Variants in SYNE1 observed in about 807,000 individuals in gnomAD.
SYNE1 encodes spectrin repeat containing nuclear envelope protein 1.
Under a neutral mutation model 1,111.0 loss-of-function variants are expected in SYNE1, and 616 were observed. That is an observed-to-expected ratio of 0.55 (90% CI 0.52 to 0.59). SYNE1 has a LOEUF of 0.59. Among genes scored for constraint, SYNE1 ranks in the 20% least tolerant of loss-of-function variants. The pLI, the probability that SYNE1 is intolerant of heterozygous loss-of-function variation, is 0.00. For synonymous variants in SYNE1, 3,855 were observed against 3,825.8 expected (o/e 1.01, Z -0.28); for missense variants, 10,006 against 10,417.0 (o/e 0.96, Z 1.72).
intron 9 of SYNE1, 106 bp from the exon 10 acceptor site, chr6:152,502,848 G>T: frequency 1.2e-6 from 1 of 869,274 alleles, no homozygotes; most frequent in Non-Finnish European, 1.8e-6. Context: ...AAACGCAGAA[G>T]GAAAACAGAA....
rs377291184 is a variant in SYNE1 at position 152,348,065 on chromosome 6, A to G, written c.11902-830T>C. Among the ~76,000 whole-genome samples the G allele has an allele frequency of 5.9e-5, 9 of 152,250 alleles. No homozygotes were observed. The East Asian group carries it at 1.5e-3, about 26-fold the overall frequency. ...TAATCTAATTCTAGTTTCTGTAATA[A>G]TGTAATATCTAATTTTTAATTCTTG... On this transcript the variant is annotated intron_variant, in intron 72 of 145. Coordinates refer to ENST00000367255, the MANE Select transcript of SYNE1 (RefSeq NM_182961.4).
chr6:152,198,465 T>G (rs1056317646), intron 127 of SYNE1, among the ~76,000 whole-genome samples: 2 of 152,236 alleles, frequency 1.3e-5, no homozygotes, highest in African/African-American at 4.8e-5. Flanking sequence ...TTAATTTCCT[T>G]TCAGAACTTT....
In SYNE1 at chr6:152,364,967, G is replaced by A. The variant is rs767372811; in HGVS notation, c.10025C>T (p.Thr3342Ile). 6.2e-7 allele frequency: 1 copy of A among 1,614,184 alleles called. No homozygotes were observed. The highest frequency in any genetic ancestry group is 8.5e-7 in the Non-Finnish European group (1 of 1,180,030). Reference sequence around the variant, plus strand: ...ATTCTGAAGGACAGATTCTCCCCTGGTCACTATCATTTTCATCTGAATCTC... The same window carrying A: ...ATTCTGAAGGACAGATTCTCCCCTGATCACTATCATTTTCATCTGAATCTC... Reference protein sequence around the residue: ...EKEIQMKMIVTRGESVLQNTS... With the variant: ...EKEIQMKMIVIRGESVLQNTS... Residue 3342 changes from threonine to isoleucine, a missense_variant, in exon 63 of 146, where the codon ACC (threonine) becomes ATC (isoleucine). Thr to Ile is a moderately conservative substitution (Grantham distance 89). Coordinates refer to ENST00000367255, the MANE Select transcript of SYNE1 (RefSeq NM_182961.4).
At chr6:152,312,787 C>T (rs2095593500) in intron 87 of SYNE1, among the ~76,000 whole-genome samples, 1 of 151,962 alleles carries the variant, frequency 6.6e-6, no homozygotes, top group Non-Finnish European at 1.5e-5. Context: ...CATTTGGGCA[C>T]ATTTTTAGGT....
intron 3 of SYNE1, among the ~76,000 whole-genome samples, chr6:152,626,728 G>T (rs1461227478): frequency 1.3e-5 from 2 of 152,200 alleles, no homozygotes; most frequent in Non-Finnish European, 2.9e-5. Flanking sequence ...AGTCCAGGCA[G>T]ATAAACACGA....
intron 63 of SYNE1, among the ~76,000 whole-genome samples, chr6:152,363,165 G>A (rs910107646): frequency 6.8e-6 from 1 of 147,800 alleles, no homozygotes; most frequent in African/African-American, 2.5e-5. Context: ...ACAGGCGTGA[G>A]CCACCACACC....
chr6:152,310,341 C>T (rs200136366), intron 89 of SYNE1, 55 bp downstream of exon 89: 6 of 1,610,258 alleles, frequency 3.7e-6, no homozygotes, highest in Non-Finnish European at 5.1e-6. Flanking sequence ...CCTTACTATC[C>T]TCTTTTAAAA....
intron 76 of SYNE1, chr6:152,335,967 A>C (rs1369677835): frequency 6.6e-6 from 1 of 151,956 alleles, no homozygotes; most frequent in African/African-American, 2.4e-5. Flanking sequence ...GATTACAGGC[A>C]TGAGCCACCA....
intron 104 of SYNE1, among the ~76,000 whole-genome samples, chr6:152,250,790 G>C (rs542191241): frequency 6.6e-6 from 1 of 152,306 alleles, no homozygotes; most frequent in East Asian, 1.9e-4. Flanking sequence ...CCTAGTAAAA[G>C]ATGTCCTGCA....
intron 144 of SYNE1, 137 bp downstream of exon 144, chr6:152,131,985 G>T (rs776984267): frequency 1.4e-6 from 1 of 703,966 alleles, no homozygotes; most frequent in Non-Finnish European, 2.5e-6. Context: ...TGGCAGGGCT[G>T]AGGAAGCGCG....
rs375516931 is a variant in SYNE1 at position 152,148,229 on chromosome 6, G to A, written c.24792C>T (p.Pro8264=). Reference sequence around the variant, plus strand: ...CTCGTCCTGACCGCTCGCTCCGGAGGGGCTGAGCGAGCGAGAGGGAGAGAT... The same window carrying A: ...CTCGTCCTGACCGCTCGCTCCGGAGAGGCTGAGCGAGCGAGAGGGAGAGAT... The part of the protein sequence containing the change: ...SSNLSLSLAQ[P]LRSERSGRDT... Residue 8264 remains proline, a synonymous_variant, in exon 137 of 146, where the codon CCC becomes CCT. Coordinates refer to ENST00000367255, the MANE Select transcript of SYNE1 (RefSeq NM_182961.4). This position sits in a 1 kb window ranked among gnomAD's most constrained non-coding sequence, Gnocchi z 4.1. 6.2e-7 allele frequency: 1 copy of A among 1,613,944 alleles called. No individual in the cohort carries two copies. The highest frequency in any genetic ancestry group is 1.3e-5 in the African/African-American group (1 of 74,932).
chr6:152,256,361 C>T (rs576920168), intron 102 of SYNE1, among the ~76,000 whole-genome samples: 137 of 151,536 alleles, frequency 9.0e-4, no homozygotes, highest in Non-Finnish European at 1.6e-3. Flanking sequence ...ACCCAGGAGG[C>T]GGAGGTTGCA....
intron 55 of SYNE1, among the ~76,000 whole-genome samples, chr6:152,384,615 C>A (rs2097491897): frequency 6.6e-6 from 1 of 152,190 alleles, no homozygotes; most frequent in South Asian, 2.1e-4. Flanking sequence ...ATGGCTCATG[C>A]CTGTAATTCC....
chr6:152,432,664 T>A (rs2154209066), intron 34 of SYNE1, among the ~76,000 whole-genome samples: 1 of 152,132 alleles, frequency 6.6e-6, no homozygotes, highest in South Asian at 2.1e-4. Context: ...ATAGAAAAAA[T>A]AAATACGTTG....
intron 45 of SYNE1, among the ~76,000 whole-genome samples, chr6:152,406,139 T>C (rs2097896338): frequency 6.6e-6 from 1 of 152,046 alleles, no homozygotes; most frequent in Non-Finnish European, 1.5e-5. Context: ...TTGCAAGAAA[T>C]AGGAATAAAA....
At chr6:152,577,943 A>G (rs1293203787) in intron 3 of SYNE1, among the ~76,000 whole-genome samples, 1 of 152,098 alleles carries the variant, frequency 6.6e-6, no homozygotes, top group Admixed American at 6.5e-5. Flanking sequence ...CAAACTCCAC[A>G]TCTTCTCTAC....
Position 152,430,590 on chromosome 6 carries a change from T to C in SYNE1, c.4581A>G (p.Thr1527=). The change falls in exon 35 of 146, where the codon ACA becomes ACG. Residue 1527 remains threonine, a synonymous_variant. Transcript: ENST00000367255. ...GESARIKAKL[T]QIRRYGEELR... ...GCTCTTCCCCGTATCTTCTTATTTGTGTCAACTTGGCTTTAATTCGAGCAG... is the reference window on the plus strand; with the variant it reads ...GCTCTTCCCCGTATCTTCTTATTTGCGTCAACTTGGCTTTAATTCGAGCAG... 6.2e-7 allele frequency: 1 copy of C among 1,614,180 alleles called. No individual in the cohort carries two copies. Among genetic ancestry groups the C allele is most frequent in the South Asian group, 1.1e-5 (1 of 91,080 alleles).
intron 3 of SYNE1, among the ~76,000 whole-genome samples, chr6:152,569,891 T>A (rs1304357419): frequency 6.6e-6 from 1 of 152,212 alleles, no homozygotes; most frequent in Non-Finnish European, 1.5e-5. Flanking sequence ...CTTGAGGCCA[T>A]ACTTTCATAA....
At position 152,331,781 on chromosome 6, in the gene SYNE1, T is replaced by C. The variant is rs569233626; in HGVS notation, c.12904A>G (p.Met4302Val). ...IEDLKDQKQK[M>V]IEHLNLDDKE... ...TCATCTAAATTCAGATGCTCTATCATTTTCTGCTTTTGATCTTTCAGATCT... is the reference window on the plus strand; with the variant it reads ...TCATCTAAATTCAGATGCTCTATCACTTTCTGCTTTTGATCTTTCAGATCT... Residue 4302 changes from methionine (M) to valine (V), a missense_variant, in exon 78 of 146, where the codon ATG (methionine) becomes GTG (valine). This residue lies in a region of SYNE1 where 4,955 missense variants were observed against 5,017.2 expected (regional missense o/e 0.99). Transcript: ENST00000367255. 6.2e-7 allele frequency: 1 copy of C among 1,614,222 alleles called. No homozygotes were observed. The highest frequency in any genetic ancestry group is 2.2e-5 in the East Asian group (1 of 44,888).
Sources: gnomAD v4.1 joint callset for allele counts (sites outside exome capture counted in the v4.1 genomes callset) on GRCh38, gnomAD v4.1.1 for gene constraint, gnomAD v4.1.1 regional missense constraint, Gnocchi (gnomAD v3.1) non-coding constraint, MANE v1.5 for transcripts, NCBI Gene and HGNC (gene_info 2026-07-23, HGNC 2026-07-21) for gene names.